The following EML1 variants were observed in gnomAD, a reference collection of about 807,000 sequenced individuals.
EML1 encodes echinoderm microtubule-associated protein-like 1.
Under a neutral mutation model 110.4 loss-of-function variants are expected in EML1, and 27 were observed. That is an observed-to-expected ratio of 0.24 (90% confidence interval 0.18 to 0.34). The LOEUF (loss-of-function observed/expected upper bound fraction) is 0.34. Among genes scored for constraint, EML1 ranks in the 10% least tolerant of loss-of-function variants. The pLI, the probability that EML1 is intolerant of heterozygous loss-of-function variation, is 1.00. For missense variants in EML1, 741 were observed against 1,030.9 expected, an observed-to-expected ratio of 0.72 and a Z score of 3.85; for synonymous variants, 344 against 385.8, an observed-to-expected ratio of 0.89 and a Z score of 1.27.
intron 2 of EML1, among the ~76,000 whole-genome samples, chr14:99,859,631 A>G (rs1452717196): frequency 6.6e-6 from 1 of 152,068 alleles, no homozygotes; most frequent in East Asian, 1.9e-4. Flanking sequence ...CCCAGGCCTG[A>G]GTTCCTTCCC....
intron 1 of EML1, among the ~76,000 whole-genome samples, chr14:99,746,561 G>A (rs984326003): frequency 2.6e-5 from 4 of 152,092 alleles, no homozygotes; most frequent in Admixed American, 6.5e-5. Context: ...AGCAGAAGCC[G>A]AGGACTCAGG....
intron 1 of EML1, among the ~76,000 whole-genome samples, chr14:99,803,660 A>G (rs59950164): frequency 0.011 from 1,627 of 152,336 alleles, 28 homozygotes; most frequent in African/African-American, 0.037. Flanking sequence ...CACTGGCTTA[A>G]AACAAATTAT....
intron 17 of EML1, among the ~76,000 whole-genome samples, chr14:99,931,273 C>T (rs932841480): frequency 3.6e-4 from 54 of 149,116 alleles, no homozygotes; most frequent in African/African-American, 5.4e-4. Context: ...CCAGATCTCA[C>T]TTGTCAGCTT....
intron 1 of EML1, 51 bp downstream of exon 1, chr14:99,793,594 G>GCGGCGACGGCGA (rs1191664428): frequency 3.0e-6 from 3 of 991,868 alleles, no homozygotes; most frequent in South Asian, 4.5e-5. Context: ...GTGGCGGGCG[G>GCGGCGACGGCGA]CGGCGACGGC....
intron 1 of EML1, among the ~76,000 whole-genome samples, chr14:99,787,652 T>C (rs2057615861): frequency 6.6e-6 from 1 of 152,120 alleles, no homozygotes; most frequent in Admixed American, 6.5e-5. Flanking sequence ...ACTGGAGGCC[T>C]GAAACAACAG....
chr14:99,878,598 G>A lies in EML1; in HGVS notation c.497G>A (p.Ser166Asn). Residue 166 changes from serine (S) to asparagine (N), a missense_variant, in exon 4 of 22, where the codon AGT becomes AAT. Ser to Asn is a conservative substitution (Grantham distance 46, BLOSUM62 1). This residue lies in a region of EML1 where 226 missense variants were observed against 255.6 expected (regional missense o/e 0.88). Coordinates refer to ENST00000262233, the MANE Select transcript of EML1 (RefSeq NM_004434.3). ...NRTGSTSSSS[S>N]GKKNSESKPK... ...ACAGGCTCCACCAGCAGCTCTTCCA[G>A]TGGCAAAAAGAACAGTGAAAGGTAA... The A allele has an allele frequency of 2.5e-6, 4 of 1,613,634 alleles. No individual in the cohort carries two copies. The highest frequency in any genetic ancestry group is 3.4e-6 in the Non-Finnish European group (4 of 1,179,832).
intron 5 of EML1, among the ~76,000 whole-genome samples, chr14:99,894,025 C>T (rs1033134883): frequency 6.6e-6 from 1 of 152,160 alleles, no homozygotes; most frequent in African/African-American, 2.4e-5. Context: ...ATTTCTCTCT[C>T]TAATGGGTCT....
At chr14:99,811,967 G>A (rs183891690) in intron 1 of EML1, among the ~76,000 whole-genome samples, 1 of 151,880 alleles carries the variant, frequency 6.6e-6, no homozygotes, top group Admixed American at 6.6e-5. Context: ...GAGGAGGAAG[G>A]GTTGGTCTTG....
intron 10 of EML1, among the ~76,000 whole-genome samples, chr14:99,908,493 C>A (rs1183883997): frequency 6.6e-6 from 1 of 152,254 alleles, no homozygotes; most frequent in Non-Finnish European, 1.5e-5. Context: ...TGTTCCCTGA[C>A]ACCTGTGTTC....
chr14:99,874,541 C>T (rs1370400597), intron 3 of EML1, among the ~76,000 whole-genome samples: 2 of 151,092 alleles, frequency 1.3e-5, no homozygotes, highest in Non-Finnish European at 2.9e-5. Context: ...AGTGAGTGTA[C>T]GGTATTGCTC....
At chr14:99,927,139 T>C (rs11622660) in intron 17 of EML1, among the ~76,000 whole-genome samples, 149,620 of 152,352 alleles carry the variant, frequency 0.98, 73,478 homozygotes, top group East Asian at 1. Context: ...TGGCCAGTTA[T>C]ATGTTCCAGT....
chr14:99,867,304 A>G (rs2059118899), intron 3 of EML1, among the ~76,000 whole-genome samples: 1 of 152,134 alleles, frequency 6.6e-6, no homozygotes, highest in Non-Finnish European at 1.5e-5. Flanking sequence ...TGTTTTGGCT[A>G]TTTAGGGTCC....
chr14:99,854,406 C>T (rs1161172977), intron 2 of EML1, among the ~76,000 whole-genome samples: 1 of 152,184 alleles, frequency 6.6e-6, no homozygotes, highest in African/African-American at 2.4e-5. Context: ...CAGCTAAGGT[C>T]AAGGCTTCCT....
intron 1 of EML1, among the ~76,000 whole-genome samples, chr14:99,766,978 C>A (rs1226882274): frequency 6.6e-6 from 1 of 152,172 alleles, no homozygotes; most frequent in South Asian, 2.1e-4. Context: ...TGGGAGTCAC[C>A]GTTTTCCAAA....
Position 99,936,533 on chromosome 14 carries a change from T to C in EML1, c.2095+199T>C, listed in dbSNP as rs1192704034. 6.6e-6 allele frequency among the ~76,000 whole-genome samples: 1 copy of C among 152,052 alleles called. No homozygotes were observed. The highest frequency in any genetic ancestry group is 1.5e-5 in the Non-Finnish European group (1 of 68,000). ...GTCCTTCCCGGTTTCCTGCTGACTG[T>C]GAGCCCCTATGGAGGAGAAGATCCA... On this transcript the variant is annotated intron_variant, in intron 19 of 21. Transcript: ENST00000262233. This position sits in a 1 kb window ranked among gnomAD's most constrained non-coding sequence, Gnocchi z 5.5.
At chr14:99,926,105 T>C (rs1305018921) in intron 17 of EML1, among the ~76,000 whole-genome samples, 1 of 152,156 alleles carries the variant, frequency 6.6e-6, no homozygotes, top group Non-Finnish European at 1.5e-5. Flanking sequence ...GTTGAGAAGA[T>C]TTTCAAATAA....
In EML1 at chr14:99,914,661, T is replaced by A; in HGVS notation, c.1716T>A (p.Ala572=). Residue 572 remains alanine, a synonymous_variant, in exon 15 of 22, where the codon GCT becomes GCA. Transcript: ENST00000262233. ...GHDKHATLWD[A]VGHRPVWDKI... is the part of the protein sequence containing the mutation. Reference sequence around the variant, plus strand: ...ACAAGCATGCCACTCTCTGGGACGCTGTGGGTCACCGTCCCGTCTGGGACA... The same window carrying A: ...ACAAGCATGCCACTCTCTGGGACGCAGTGGGTCACCGTCCCGTCTGGGACA... 1 of 1,610,828 alleles carries A rather than the reference T, an allele frequency of 6.2e-7. No homozygotes were observed. The highest frequency in any genetic ancestry group is 8.5e-7 in the Non-Finnish European group (1 of 1,179,400).
chr14:99,772,126 A>G (rs1209990761), upstream of EML1, among the ~76,000 whole-genome samples: 1 of 151,948 alleles, frequency 6.6e-6, no homozygotes, highest in East Asian at 1.9e-4. Flanking sequence ...TGTGTTGTAC[A>G]CTCTTGATTG....
intron 1 of EML1, among the ~76,000 whole-genome samples, chr14:99,766,176 A>T (rs182379597): frequency 7.0e-6 from 1 of 143,686 alleles, no homozygotes; most frequent in Non-Finnish European, 1.5e-5. Context: ...GTTGGATCAC[A>T]TGGAAATTAA....
Sources: gnomAD v4.1 joint callset for allele counts (sites outside exome capture counted in the v4.1 genomes callset) on GRCh38, gnomAD v4.1.1 for gene constraint, gnomAD v4.1.1 regional missense constraint, Gnocchi (gnomAD v3.1) non-coding constraint, MANE v1.5 for transcripts, NCBI Gene and HGNC (gene_info 2026-07-23, HGNC 2026-07-21) for gene names.